Variants in BAZ2A observed in about 807,000 individuals in gnomAD.
BAZ2A encodes the protein bromodomain adjacent to zinc finger domain protein 2A.
Under a neutral mutation model 199.9 loss-of-function variants are expected in BAZ2A, and 34 were observed. The observed-to-expected ratio is 0.17, with a 90% CI of 0.13 to 0.23. The LOEUF is 0.23. BAZ2A is among the 10% of genes least tolerant of loss of function. BAZ2A has a pLI of 1.00. For synonymous variants in BAZ2A, 857 were observed against 883.9 expected (o/e 0.97, Z 0.54); for missense variants, 2,002 against 2,391.1 (o/e 0.84, Z 3.39).
intron 7 of BAZ2A, chr12:56,611,178 T>C (rs2136997132): frequency 3.7e-6 from 1 of 273,972 alleles, no homozygotes; most frequent in East Asian, 1.2e-4. Context: ...CCCTTACCTC[T>C]CCTAAGAGCA....
chr12:56,605,818 T>C lies in BAZ2A; in HGVS notation c.2493+12A>G. On this transcript the variant is annotated intron_variant, in intron 13 of 28. Coordinates refer to ENST00000549884, the MANE Select transcript of BAZ2A (RefSeq NM_001300905.2). Reference sequence around the variant, plus strand: ...CCAGCTGACCCAGGAACTGTTACTCTCTCCTCACTACCTGGTGGTCAGTCA... The same window carrying C: ...CCAGCTGACCCAGGAACTGTTACTCCCTCCTCACTACCTGGTGGTCAGTCA... The C allele has an allele frequency of 1.2e-6, 2 of 1,602,814 alleles. No individual in the cohort carries two copies. The highest frequency in any genetic ancestry group is 1.7e-6 in the Non-Finnish European group (2 of 1,174,074).
At position 56,598,651 on chromosome 12, in the gene BAZ2A, C is replaced by T. The variant is rs2136686727; in HGVS notation, c.5679G>A (p.Glu1893=). ...IMRRFFESRW[E]EFYQGKQANL is the part of the protein sequence containing the mutation. Reference sequence around the variant, plus strand: ...TGGCCTGTTTTCCCTGATAAAACTCCTCCCAGCGGCTCTCGAAGAAGCGGC... The same window carrying T: ...TGGCCTGTTTTCCCTGATAAAACTCTTCCCAGCGGCTCTCGAAGAAGCGGC... Residue 1893 remains glutamate, a synonymous_variant, in exon 29 of 29, where the codon GAG becomes GAA. Coordinates refer to ENST00000549884, the MANE Select transcript of BAZ2A (RefSeq NM_001300905.2). 1.2e-6 allele frequency: 2 copies of T among 1,613,872 alleles called. No individual in the cohort carries two copies.
upstream of BAZ2A, chr12:56,635,097 G>C: frequency 1.1e-6 from 1 of 950,928 alleles, no homozygotes; most frequent in Non-Finnish European, 1.3e-6. The surrounding 1 kb of genome is among the most constrained non-coding windows in gnomAD (Gnocchi z 4.1). Context: ...CCGAGGTGAG[G>C]ACAACCGCTC....
chr12:56,617,894 T>A (rs1205727370), intron 1 of BAZ2A, among the ~76,000 whole-genome samples: 1 of 152,178 alleles, frequency 6.6e-6, no homozygotes, highest in African/African-American at 2.4e-5. Context: ...ACATTCTCCA[T>A]CCTTTTGTTT....
At position 56,612,913 on chromosome 12, in the gene BAZ2A, C is replaced by T. The variant is rs1020250729; in HGVS notation, c.1135+102G>A. The T allele has an allele frequency of 1.2e-5, 16 of 1,327,228 alleles. No homozygotes were observed. In the South Asian group the frequency reaches 1.6e-4, roughly 13 times the overall value. 82.2% of individuals were successfully genotyped at this position (1,327,228 alleles called of 1,614,324 possible). A position where few individuals can be genotyped will look rare whatever the true frequency, so the allele number is the denominator to read the frequency against. ...CTGAGATTACAGGCGTGAGCCACTG[C>T]GCCCAGCCAGATTTCCCACTCTTAA... On this transcript the variant is annotated intron_variant, in intron 5 of 28. Coordinates refer to ENST00000549884, the MANE Select transcript of BAZ2A (RefSeq NM_001300905.2).
At position 56,615,616 on chromosome 12, in the gene BAZ2A, G is replaced by A. The variant is rs1298915990; in HGVS notation, c.137-9C>T. On this transcript the variant is annotated splice_polypyrimidine_tract_variant and intron_variant, in intron 2 of 28. Transcript: ENST00000549884. ...CACATCCCCATTCAAACCTGGCAGA[G>A]AAAGAAAGAAAAGGTCAGTTACAGA... is the stretch of plus-strand genomic sequence containing the variant. 6.4e-7 allele frequency: 1 copy of A among 1,564,840 alleles called. No homozygotes were observed. Among genetic ancestry groups the A allele is most frequent in the Admixed American group, 1.9e-5 (1 of 52,484 alleles).
intron 1 of BAZ2A, among the ~76,000 whole-genome samples, chr12:56,629,802 C>T (rs886596953): frequency 6.6e-6 from 1 of 151,806 alleles, no homozygotes; most frequent in African/African-American, 2.4e-5. Flanking sequence ...CCGGGGATTC[C>T]ACCCCAAGTC....
intron 1 of BAZ2A, among the ~76,000 whole-genome samples, chr12:56,618,170 C>T (rs1208366354): frequency 1.6e-4 from 25 of 152,070 alleles, no homozygotes; most frequent in Non-Finnish European, 5.9e-5. Flanking sequence ...TCTTTATGCT[C>T]CCCAAGAACA....
chr12:56,617,344 TA>T, intron 2 of BAZ2A, 50 bp downstream of exon 2: 2 of 1,511,616 alleles, frequency 1.3e-6, no homozygotes, highest in Middle Eastern at 2.0e-4. Context: ...GAATCTGCCC[TA>T]AAGGGATGAT....
chr12:56,609,775 T>G lies in BAZ2A; in HGVS notation c.2053A>C (p.Lys685Gln). ...TTCTTTAGGGGGCGGTTGTCTGTCT[T>G]GTTCAATAGCTCAGTGATTTTGACC... ...PKVKITELLN[K>Q]TDNRPLKKLE... The change falls in exon 10 of 29, where the codon AAG (lysine) becomes CAG (glutamine). Residue 685 changes from lysine to glutamine, a missense_variant. Coordinates refer to ENST00000549884, the MANE Select transcript of BAZ2A (RefSeq NM_001300905.2). 1.2e-6 allele frequency: 2 copies of G among 1,613,956 alleles called. No homozygotes were observed. The highest frequency in any genetic ancestry group is 1.7e-6 in the Non-Finnish European group (2 of 1,179,872).
chr12:56,604,025 T>A (rs1363664258), intron 16 of BAZ2A, among the ~76,000 whole-genome samples, 192 bp downstream of exon 16: 1 of 151,422 alleles, frequency 6.6e-6, no homozygotes, highest in Non-Finnish European at 1.5e-5. Flanking sequence ...AAAAAAAAAA[T>A]TACGGGAAAC....
At chr12:56,615,823 C>T (rs978167890) in intron 2 of BAZ2A, among the ~76,000 whole-genome samples, 1 of 152,158 alleles carries the variant, frequency 6.6e-6, no homozygotes, top group Non-Finnish European at 1.5e-5. Context: ...GAGTAGGGGG[C>T]TAGAGAGCTC....
chr12:56,629,384 C>T (rs1289127088), intron 1 of BAZ2A, among the ~76,000 whole-genome samples: 1 of 152,176 alleles, frequency 6.6e-6, no homozygotes, highest in Non-Finnish European at 1.5e-5. Context: ...ATCTTTCTGC[C>T]ACGGAAGCGG....
At chr12:56,630,541 G>A (rs879554671), upstream of BAZ2A, among the ~76,000 whole-genome samples, 1 of 152,236 alleles carries the variant, frequency 6.6e-6, no homozygotes, top group African/African-American at 2.4e-5. Flanking sequence ...TTCACACAGG[G>A]CAAACTGAAA....
intron 1 of BAZ2A, among the ~76,000 whole-genome samples, chr12:56,626,654 G>T (rs554683153): frequency 6.6e-6 from 1 of 152,204 alleles, no homozygotes; most frequent in East Asian, 1.9e-4. Flanking sequence ...GCCATGAAAG[G>T]TTTGCTTCAT....
intron 1 of BAZ2A, among the ~76,000 whole-genome samples, chr12:56,623,657 T>A (rs946835126): frequency 6.6e-6 from 1 of 152,140 alleles, no homozygotes; most frequent in East Asian, 1.9e-4. Flanking sequence ...TTCTGCCCCG[T>A]AGGGGACATT....
At chr12:56,625,232 T>C (rs1015705691) in intron 1 of BAZ2A, among the ~76,000 whole-genome samples, 2 of 148,616 alleles carry the variant, frequency 1.3e-5, no homozygotes, top group African/African-American at 5.0e-5. Flanking sequence ...CTCTGCTCAC[T>C]GCAACCTCCA....
intron 10 of BAZ2A, among the ~76,000 whole-genome samples, chr12:56,608,769 A>G (rs1380588358): frequency 6.7e-6 from 1 of 148,202 alleles, no homozygotes; most frequent in Non-Finnish European, 1.5e-5. Flanking sequence ...GGGTTTCTTC[A>G]TGTTGGTCAG....
intron 1 of BAZ2A, among the ~76,000 whole-genome samples, chr12:56,625,196 C>T (rs1951046317): frequency 6.9e-6 from 1 of 144,370 alleles, no homozygotes; most frequent in Non-Finnish European, 1.5e-5. Context: ...GGCTCTGTTG[C>T]CCAGGCTGGG....
Sources: gnomAD v4.1 joint callset for allele counts (sites outside exome capture counted in the v4.1 genomes callset) on GRCh38, gnomAD v4.1.1 for gene constraint, Gnocchi (gnomAD v3.1) non-coding constraint, MANE v1.5 for transcripts, NCBI Gene and HGNC (gene_info 2026-07-23, HGNC 2026-07-21) for gene names.